The following ST6GAL2 variants were observed in gnomAD, a reference collection of about 807,000 sequenced individuals.
ST6GAL2 encodes ST6 beta-galactoside alpha-2,6-sialyltransferase 2.
ST6GAL2 carries 24 observed loss-of-function variants against 37.5 expected under a neutral mutation model. The observed-to-expected ratio is 0.64, with a 90% CI of 0.46 to 0.90. The LOEUF is 0.90. Ranked by LOEUF, ST6GAL2 falls within the 40% of genes least tolerant of loss-of-function variation. The pLI is 0.00. For synonymous variants in ST6GAL2, 306 were observed against 295.1 expected, an observed-to-expected ratio of 1.04 and a Z score of -0.38; for missense variants, 715 against 712.7, an observed-to-expected ratio of 1.00 and a Z score of -0.04.
intron 5 of ST6GAL2, among the ~76,000 whole-genome samples, chr2:106,823,395 T>C (rs1676076898): frequency 6.6e-6 from 1 of 150,834 alleles, no homozygotes; most frequent in South Asian, 2.1e-4. Flanking sequence ...GTTGTTTCTA[T>C]ACTCCTTTTC....
intron 5 of ST6GAL2, among the ~76,000 whole-genome samples, chr2:106,829,214 T>C (rs1676318339): frequency 6.6e-6 from 1 of 152,168 alleles, no homozygotes; most frequent in Non-Finnish European, 1.5e-5. Context: ...GGCGGGGGTC[T>C]ATGTTTTGTC....
chr2:106,884,562 A>C (rs1171725037), intron 1 of ST6GAL2, among the ~76,000 whole-genome samples: 2 of 152,136 alleles, frequency 1.3e-5, no homozygotes, highest in Non-Finnish European at 2.9e-5. Context: ...CAAGACATTT[A>C]ACTCAAAACT....
In ST6GAL2 at chr2:106,801,716, CT is replaced by C. The variant is rs1675268809; in HGVS notation, c.*4961del. The C allele has an allele frequency of 6.6e-6, 1 of 152,180 alleles. No individual in the cohort carries two copies. The highest frequency in any genetic ancestry group is 6.5e-5 in the Admixed American group (1 of 15,280). 9.4% of individuals were successfully genotyped at this position (152,180 alleles called of 1,614,324 possible). ...CCAAGTGTTAAAATGTGTACAAACACTTTTAAAATGCGACTCCTGGAAAACT... is the reference window on the plus strand; with the variant it reads ...CCAAGTGTTAAAATGTGTACAAACACTTTAAAATGCGACTCCTGGAAAACT... On this transcript the variant is annotated 3_prime_UTR_variant, in exon 6 of 6. Coordinates refer to ENST00000409382, the MANE Select transcript of ST6GAL2 (RefSeq NM_001142351.2).
chr2:106,832,550 C>T lies in ST6GAL2; in HGVS notation c.1143+15G>A. On this transcript the variant is annotated intron_variant, in intron 4 of 5. Transcript: ENST00000409382. ...GTCTGACCGTTGGGGTGGGCAAATCCAGGGAAACACTTACCAGGTTAAGAT... is the reference window on the plus strand; with the variant it reads ...GTCTGACCGTTGGGGTGGGCAAATCTAGGGAAACACTTACCAGGTTAAGAT... 3 of 1,459,238 alleles carry T rather than the reference C, an allele frequency of 2.1e-6. No homozygotes were observed. The highest frequency in any genetic ancestry group is 9.4e-7 in the Non-Finnish European group (1 of 1,064,166). 90.4% of individuals were successfully genotyped at this position (1,459,238 alleles called of 1,614,324 possible).
At chr2:106,886,301 C>G (rs1348474277), upstream of ST6GAL2, 22 of 152,220 alleles carry the variant, frequency 1.4e-4, no homozygotes, top group Admixed American at 1.4e-3. Flanking sequence ...CGCCGCGGAA[C>G]TTGGGGGCTG....
Position 106,832,613 on chromosome 2 carries a change from G to A in ST6GAL2, c.1095C>T (p.Val365=), listed in dbSNP as rs1338278043. The A allele has an allele frequency of 1.9e-6, 3 of 1,609,018 alleles. No individual in the cohort carries two copies. The highest frequency in any genetic ancestry group is 2.5e-6 in the Non-Finnish European group (3 of 1,178,404). Reference sequence around the variant, plus strand: ...GGGCAGGGTCCCAGGCCACCAAAATGACGTCTTTATACAGTGAACTGTCAA... The same window carrying A: ...GGGCAGGGTCCCAGGCCACCAAAATAACGTCTTTATACAGTGAACTGTCAA... ...HFIDSSLYKD[V]ILVAWDPAPY... is the part of the protein sequence containing the mutation. The change falls in exon 4 of 6, where the codon GTC becomes GTT. Residue 365 remains valine (V), a synonymous_variant. Coordinates refer to ENST00000409382, the MANE Select transcript of ST6GAL2 (RefSeq NM_001142351.2).
chr2:106,848,747 A>C (rs1677243511), intron 1 of ST6GAL2, among the ~76,000 whole-genome samples: 1 of 152,236 alleles, frequency 6.6e-6, no homozygotes. Context: ...TTCAAAATTA[A>C]AATAATTCAA....
chr2:106,812,663 T>C (rs1675653383), intron 5 of ST6GAL2, among the ~76,000 whole-genome samples: 1 of 152,230 alleles, frequency 6.6e-6, no homozygotes, highest in Non-Finnish European at 1.5e-5. Flanking sequence ...GGTGTTGTCT[T>C]TTCTGCCCGG....
At chr2:106,857,641 C>T (rs918774347) in intron 1 of ST6GAL2, among the ~76,000 whole-genome samples, 1 of 152,098 alleles carries the variant, frequency 6.6e-6, no homozygotes, top group African/African-American at 2.4e-5. Context: ...AAACCACACA[C>T]ATATACACAC....
intron 5 of ST6GAL2, chr2:106,823,117 T>C (rs913711970): frequency 6.6e-6 from 1 of 152,178 alleles, no homozygotes; most frequent in Non-Finnish European, 1.5e-5. Context: ...AACTTATTGT[T>C]CTTTCTCTTG....
intron 1 of ST6GAL2, among the ~76,000 whole-genome samples, chr2:106,871,956 C>T (rs1190595415): frequency 6.6e-6 from 1 of 152,202 alleles, no homozygotes; most frequent in Admixed American, 6.5e-5. Flanking sequence ...TGTTTATAAT[C>T]ATTATCAAGT....
intron 2 of ST6GAL2, among the ~76,000 whole-genome samples, chr2:106,836,466 C>T (rs1676641756): frequency 1.3e-5 from 2 of 152,046 alleles, no homozygotes; most frequent in South Asian, 4.1e-4. Flanking sequence ...TACATTAAAA[C>T]TTGTGGTCTA....
At chr2:106,853,643 A>G (rs2104557110) in intron 1 of ST6GAL2, among the ~76,000 whole-genome samples, 1 of 152,316 alleles carries the variant, frequency 6.6e-6, no homozygotes, top group East Asian at 1.9e-4. Flanking sequence ...GGGGCTGGAC[A>G]AGGGTGAGCT....
intron 5 of ST6GAL2, among the ~76,000 whole-genome samples, chr2:106,815,172 A>G (rs1057218527): frequency 6.6e-6 from 1 of 152,206 alleles, no homozygotes; most frequent in Non-Finnish European, 1.5e-5. Flanking sequence ...GAGGACAAAT[A>G]TGGAGTCTAA....
chr2:106,818,180 T>G (rs2104434030), intron 5 of ST6GAL2, among the ~76,000 whole-genome samples: 1 of 152,314 alleles, frequency 6.6e-6, no homozygotes, highest in South Asian at 2.1e-4. Flanking sequence ...GCTGGCTGGC[T>G]TCATCATTTG....
At chr2:106,830,635 C>T (rs1057193547) in intron 4 of ST6GAL2, among the ~76,000 whole-genome samples, 1 of 152,164 alleles carries the variant, frequency 6.6e-6, no homozygotes, top group South Asian at 2.1e-4. Context: ...GTGCTGTGTT[C>T]TAAAAAAACA....
chr2:106,885,627 C>T (rs1348899007), intron 1 of ST6GAL2, among the ~76,000 whole-genome samples: 1 of 152,134 alleles, frequency 6.6e-6, no homozygotes, highest in African/African-American at 2.4e-5. Flanking sequence ...CACTCCGTAA[C>T]ACCGCGGAAA....
At chr2:106,858,787 C>G (rs1470722612) in intron 1 of ST6GAL2, among the ~76,000 whole-genome samples, 1 of 152,092 alleles carries the variant, frequency 6.6e-6, no homozygotes, top group East Asian at 1.9e-4. Context: ...GTGATCCACT[C>G]TGCACCTCTG....
intron 2 of ST6GAL2, 41 bp downstream of exon 2, chr2:106,842,994 G>T (rs779110100): frequency 7.6e-7 from 1 of 1,322,300 alleles, no homozygotes; most frequent in Non-Finnish European, 9.7e-7. Context: ...GGGACACACT[G>T]GCTCAAGACA....
Sources: allele counts gnomAD v4.1 joint callset (sites outside exome capture counted in the v4.1 genomes callset), GRCh38; gene constraint gnomAD v4.1.1; transcripts MANE v1.5; gene names NCBI Gene and HGNC (gene_info 2026-07-23, HGNC 2026-07-21).